Variants in MAD1L1 observed in about 807,000 individuals in gnomAD.
MAD1L1 encodes the protein mitotic arrest deficient 1 like 1.
MAD1L1 carries 95 observed loss-of-function variants against 96.9 expected under a neutral mutation model. The ratio of observed to expected loss-of-function variants is 0.98; its 90% CI spans 0.83 to 1.16. The LOEUF (loss-of-function observed/expected upper bound fraction) is 1.16, where lower values mean the gene tolerates loss of function less well. Among genes scored for constraint, MAD1L1 ranks in the 50% most tolerant of loss-of-function variants. The pLI, the probability that MAD1L1 is intolerant of heterozygous loss-of-function variation, is 0.00. For synonymous variants in MAD1L1, 473 were observed against 396.6 expected (o/e 1.19, Z -2.29); for missense variants, 1,007 against 954.4 (o/e 1.06, Z -0.73).
chr7:2,190,480 A>C (rs762781576), intron 10 of MAD1L1, among the ~76,000 whole-genome samples: 5 of 152,250 alleles, frequency 3.3e-5, no homozygotes, highest in Non-Finnish European at 7.3e-5. Context: ...ACTTAGCAAA[A>C]TTAAAAGTTT....
At chr7:1,897,624 CGAGGACT>C (rs1786965204) in intron 18 of MAD1L1, among the ~76,000 whole-genome samples, 1 of 152,252 alleles carries the variant, frequency 6.6e-6, no homozygotes, top group African/African-American at 2.4e-5. Flanking sequence ...CCCGCTCGCC[CGAGGACT>C]CTTCATGTCC....
chr7:1,819,912 CGAGGG>C (rs1423289629), intron 18 of MAD1L1, among the ~76,000 whole-genome samples: 6 of 152,012 alleles, frequency 3.9e-5, no homozygotes, highest in African/African-American at 1.4e-4. Context: ...CTGGGAAACT[CGAGGG>C]GAGGAAGCTA....
Position 1,998,220 on chromosome 7 carries a change from C to T in MAD1L1, c.1416+3845G>A, listed in dbSNP as rs1239363822. Among the ~76,000 whole-genome samples the T allele has an allele frequency of 2.6e-5, 4 of 152,162 alleles. No individual in the cohort carries two copies. The East Asian group carries it at 7.7e-4, about 29-fold the overall frequency. ...CGGCCACACCCACCCCACCTGAGGG[C>T]CCAAGACCAGTTTCTGTCTCTCTCC... On this transcript the variant is annotated intron_variant, in intron 14 of 18. Coordinates refer to ENST00000265854, the MANE Select transcript of MAD1L1 (RefSeq NM_001013836.2).
At chr7:2,216,459 G>A (rs73291536) in intron 7 of MAD1L1, among the ~76,000 whole-genome samples, 172 bp from the exon 8 acceptor site, 1 of 152,356 alleles carries the variant, frequency 6.6e-6, no homozygotes, top group East Asian at 1.9e-4. Flanking sequence ...GGCTCAGAAG[G>A]AGAGAGGCAG....
chr7:1,954,983 G>A (rs1030191644), intron 16 of MAD1L1, among the ~76,000 whole-genome samples: 1 of 152,180 alleles, frequency 6.6e-6, no homozygotes, highest in African/African-American at 2.4e-5. Flanking sequence ...GCCACAGCAG[G>A]GCCCAGTGAC....
At chr7:2,232,322 C>T (rs1356510894) in intron 1 of MAD1L1, among the ~76,000 whole-genome samples, 4 of 152,264 alleles carry the variant, frequency 2.6e-5, no homozygotes, top group Admixed American at 2.0e-4. Flanking sequence ...AAGGAGGCTC[C>T]ACAGCCCAAT....
chr7:1,868,102 G>A (rs1389238848), intron 18 of MAD1L1, among the ~76,000 whole-genome samples: 2 of 152,104 alleles, frequency 1.3e-5, no homozygotes, highest in East Asian at 1.9e-4. Context: ...CTCAGAGTGG[G>A]CCCTCCTGCA....
Position 2,208,090 on chromosome 7 carries a change from G to C in MAD1L1, c.986+5122C>G, listed in dbSNP as rs144398516. Reference sequence around the variant, plus strand: ...ATGTCTCCATTTTTCTACATCAGGTGATCTTTAATGTCTCAGTTGCGTCTT... The same window carrying C: ...ATGTCTCCATTTTTCTACATCAGGTCATCTTTAATGTCTCAGTTGCGTCTT... On this transcript the variant is annotated intron_variant, in intron 10 of 18. Coordinates refer to ENST00000265854, the MANE Select transcript of MAD1L1 (RefSeq NM_001013836.2). Among the ~76,000 whole-genome samples the C allele has an allele frequency of 7.0e-3, 1,064 of 152,296 alleles. 7 individuals are homozygous for C. The highest frequency in any genetic ancestry group is 0.014 in the Middle Eastern group (4 of 294).
chr7:1,824,682 G>A (rs1289345717), intron 18 of MAD1L1, among the ~76,000 whole-genome samples: 3 of 152,322 alleles, frequency 2.0e-5, no homozygotes, highest in East Asian at 1.9e-4. Context: ...GGCATCTGCC[G>A]GGGCAGCCAT....
chr7:1,930,699 C>A (rs1042800630), intron 17 of MAD1L1, among the ~76,000 whole-genome samples: 1 of 151,530 alleles, frequency 6.6e-6, no homozygotes, highest in Non-Finnish European at 1.5e-5. Flanking sequence ...TGCTGACCCC[C>A]GAGATGCTGG....
At chr7:2,228,523 G>A (rs1252735641) in intron 3 of MAD1L1, among the ~76,000 whole-genome samples, 2 of 152,016 alleles carry the variant, frequency 1.3e-5, no homozygotes, top group African/African-American at 4.8e-5. Flanking sequence ...AAAGTGCTGG[G>A]GTTATAGGCA....
Position 2,002,110 on chromosome 7 carries a change from C to A in MAD1L1, c.1371G>T (p.Ser457=), listed in dbSNP as rs764118232. 2.7e-5 allele frequency: 43 copies of A among 1,613,104 alleles called. No homozygotes were observed. The highest frequency in any genetic ancestry group is 3.6e-5 in the Non-Finnish European group (43 of 1,180,006). ...GGCCTCCCAGCTCCTCCAGGGCCTG[C>A]GACAGCTGAGCCTGCAAGACAAGAC... ...SHSAEMEAQL[S]QALEELGGQK... is the part of the protein sequence containing the mutation. Residue 457 remains serine, a synonymous_variant, in exon 14 of 19, where the codon TCG becomes TCT. Coordinates refer to ENST00000265854, the MANE Select transcript of MAD1L1 (RefSeq NM_001013836.2).
chr7:1,940,253 G>C (rs1359786689), intron 16 of MAD1L1: 2 of 152,270 alleles, frequency 1.3e-5, no homozygotes, highest in Admixed American at 1.3e-4. Flanking sequence ...GGAGGCGGCA[G>C]CCCTGCCGCT....
In MAD1L1 at chr7:2,002,062, C is replaced by T. The variant is rs748934031; in HGVS notation, c.1416+3G>A. 4 of 1,613,162 alleles carry T rather than the reference C, an allele frequency of 2.5e-6. No individual in the cohort carries two copies. The African/African-American group carries it at 4.0e-5, about 16-fold the overall frequency. ...ATCCCAGCCACTCCCGCGTCTGACT[C>T]ACCATGTCTGCTCTTTGTTTCTGGC... is the stretch of plus-strand genomic sequence containing the variant. On this transcript the variant is annotated splice_donor_region_variant and intron_variant, in intron 14 of 18. Coordinates refer to ENST00000265854, the MANE Select transcript of MAD1L1 (RefSeq NM_001013836.2).
At chr7:1,929,577 C>T (rs184462405) in intron 17 of MAD1L1, among the ~76,000 whole-genome samples, 8 of 152,184 alleles carry the variant, frequency 5.3e-5, no homozygotes, top group East Asian at 3.9e-4. Context: ...CTCAGATCCC[C>T]GAGAGCAGGG....
rs540514736 is a variant in MAD1L1, at chr7:1,941,179, C to A, written c.1597-4282G>T. Among the ~76,000 whole-genome samples, 768 of 152,326 alleles carry A rather than the reference C, an allele frequency of 5.0e-3. 4 individuals are homozygous for A. The highest frequency in any genetic ancestry group is 0.018 in the African/African-American group (734 of 41,574). The stretch of plus-strand genomic sequence containing the variant: ...CGGGGGTCAGCGGTGGTGCGCCCAG[C>A]GCTGGCGTTGGACCCAGCAGTGCCT... On this transcript the variant is annotated intron_variant, in intron 16 of 18. Transcript: ENST00000265854.
chr7:2,084,833 G>A (rs1785828237), intron 11 of MAD1L1, among the ~76,000 whole-genome samples: 1 of 152,216 alleles, frequency 6.6e-6, no homozygotes, highest in Non-Finnish European at 1.5e-5. Flanking sequence ...ACGGGGGCAG[G>A]AGGGTGCTCC....
chr7:2,048,112 A>G (rs1218673817), intron 12 of MAD1L1, among the ~76,000 whole-genome samples: 1 of 152,192 alleles, frequency 6.6e-6, no homozygotes, highest in Non-Finnish European at 1.5e-5. Flanking sequence ...AGACACGCAC[A>G]CAGTAATGCT....
At chr7:1,907,174 C>T (rs1034689261) in intron 17 of MAD1L1, among the ~76,000 whole-genome samples, 6 of 152,132 alleles carry the variant, frequency 3.9e-5, no homozygotes, top group African/African-American at 1.4e-4. Context: ...GCCCCCATCC[C>T]CACTATCTCC....
Sources: allele counts gnomAD v4.1 joint callset (sites outside exome capture counted in the v4.1 genomes callset), GRCh38; gene constraint gnomAD v4.1.1; transcripts MANE v1.5; gene names NCBI Gene and HGNC (gene_info 2026-07-23, HGNC 2026-07-21).